ABCA13: variants seen among roughly 807,000 people sequenced by gnomAD.
The protein encoded by ABCA13 is ATP binding cassette subfamily A member 13, also known as ATP-binding cassette sub-family A member 13.
In ABCA13, 476 loss-of-function variants were observed where a neutral mutation model predicts 478.7. The ratio of observed to expected loss-of-function variants is 0.99; its 90% CI spans 0.92 to 1.07. The LOEUF is 1.07. Among genes scored for constraint, ABCA13 ranks in the 50% least tolerant of loss-of-function variants. The pLI is 0.00. For synonymous variants in ABCA13, 2,252 were observed against 2,158.9 expected (o/e 1.04, Z -1.20); for missense variants, 6,060 against 5,910.6 (o/e 1.03, Z -0.83).
intron 30 of ABCA13, 136 bp from the exon 31 acceptor site, chr7:48,352,045 G>C (rs4145714): frequency 0.2 from 162,964 of 795,600 alleles, 18,709 homozygotes; most frequent in African/African-American, 0.38. Context: ...ACTGCGGGCT[G>C]GGGCTCTGAG....
At chr7:48,362,531 A>G (rs1020173380) in intron 31 of ABCA13, among the ~76,000 whole-genome samples, 4 of 147,728 alleles carry the variant, frequency 2.7e-5, no homozygotes, top group South Asian at 2.1e-4. Context: ...TATGCATTAT[A>G]TAGCTTCTTA....
chr7:48,320,527 T>A lies in ABCA13; in HGVS notation c.9999+3231T>A, dbSNP rs139729252. Among the ~76,000 whole-genome samples the A allele has an allele frequency of 6.2e-3, 944 of 152,312 alleles. 4 individuals are homozygous for A. The highest frequency in any genetic ancestry group is 0.021 in the African/African-American group (890 of 41,554). On this transcript the variant is annotated intron_variant, in intron 27 of 61. Transcript: ENST00000435803. ...TATTTCCATGTCATTAGTCAAGAGA[T>A]TCCAATGTATTAGTATGCTCTTTTT...
chr7:48,398,267 G>A (rs1460968567), intron 38 of ABCA13, among the ~76,000 whole-genome samples: 1 of 152,112 alleles, frequency 6.6e-6, no homozygotes, highest in Non-Finnish European at 1.5e-5. Context: ...ATTGAGATTG[G>A]GAGCTTAAAT....
At chr7:48,480,155 T>C (rs1563326974) in intron 45 of ABCA13, among the ~76,000 whole-genome samples, 1 of 152,202 alleles carries the variant, frequency 6.6e-6, no homozygotes, top group Non-Finnish European at 1.5e-5. Context: ...AGACGTCTTA[T>C]CCATCATGAT....
chr7:48,318,510 GTTT>G (rs71991953), intron 27 of ABCA13, among the ~76,000 whole-genome samples: 2 of 133,880 alleles, frequency 1.5e-5, no homozygotes, highest in Non-Finnish European at 1.6e-5. Flanking sequence ...TAACTTTTTA[GTTT>G]TTTTTTTTTT....
chr7:48,260,080 C>T (rs1041261699), intron 15 of ABCA13, among the ~76,000 whole-genome samples: 1 of 152,020 alleles, frequency 6.6e-6, no homozygotes, highest in Non-Finnish European at 1.5e-5. Flanking sequence ...TCTGAATGAT[C>T]TTTGTTCTTA....
At chr7:48,442,474 C>G (rs983484078) in intron 42 of ABCA13, among the ~76,000 whole-genome samples, 3 of 152,102 alleles carry the variant, frequency 2.0e-5, no homozygotes, top group Non-Finnish European at 4.4e-5. Context: ...CCCTTTGGGT[C>G]CTTTTTTAAA....
chr7:48,330,368 T>C (rs1467875250), intron 27 of ABCA13, among the ~76,000 whole-genome samples: 1 of 151,806 alleles, frequency 6.6e-6, no homozygotes, highest in African/African-American at 2.4e-5. Context: ...CATCCACCCA[T>C]CCATCCATCC....
At chr7:48,205,907 G>A (rs150800400) in intron 3 of ABCA13, among the ~76,000 whole-genome samples, 1 of 152,188 alleles carries the variant, frequency 6.6e-6, no homozygotes, top group East Asian at 1.9e-4. Context: ...TAACATTTAA[G>A]AGTACATTTC....
Position 48,410,638 on chromosome 7 carries a change from G to A in ABCA13, c.12189G>A (p.Glu4063=). The stretch of plus-strand genomic sequence containing the variant: ...GCGGTCCTCCCTTCTGCCTGAAGGA[G>A]GCATATGGCCAGGGGCTCCGCCTGA... ...RCCGPPFCLK[E]AYGQGLRLTL... Residue 4063 remains glutamate, a synonymous_variant, in exon 40 of 62, where the codon GAG becomes GAA. Coordinates refer to ENST00000435803, the MANE Select transcript of ABCA13 (RefSeq NM_152701.5). 1 of 1,614,036 alleles carries A rather than the reference G, an allele frequency of 6.2e-7. No individual in the cohort carries two copies. Among genetic ancestry groups the A allele is most frequent in the Non-Finnish European group, 8.5e-7 (1 of 1,179,878 alleles).
At chr7:48,312,551 C>T (rs1259298223) in intron 24 of ABCA13, among the ~76,000 whole-genome samples, 1 of 152,158 alleles carries the variant, frequency 6.6e-6, no homozygotes, top group Admixed American at 6.5e-5. Flanking sequence ...AATTCACATC[C>T]CTGAACCTTT....
rs1288781886 is a variant in ABCA13 at position 48,403,761 on chromosome 7, C to T, written c.11952C>T (p.Leu3984=). Residue 3984 remains leucine, a synonymous_variant, in exon 39 of 62, where the codon CTC becomes CTT. Transcript: ENST00000435803. ...TGTCTGGAGGCCTGAAGAGGAAGCT[C>T]TCCCTTGGCATTGCTTTCATGGGCA... ...RALSGGLKRK[L]SLGIAFMGMS... 1.9e-6 allele frequency: 3 copies of T among 1,614,014 alleles called. No individual in the cohort carries two copies. Among genetic ancestry groups the T allele is most frequent in the South Asian group, 1.1e-5 (1 of 91,074 alleles).
At chr7:48,319,965 A>G (rs1417676561) in intron 27 of ABCA13, among the ~76,000 whole-genome samples, 1 of 151,950 alleles carries the variant, frequency 6.6e-6, no homozygotes, top group Admixed American at 6.6e-5. Context: ...GAACACTTGT[A>G]CCCCTCACAC....
rs201605876 is a variant in ABCA13, at chr7:48,274,668, C to T, written c.5002C>T (p.Arg1668Cys). The T allele has an allele frequency of 2.1e-5, 34 of 1,613,940 alleles. No individual in the cohort carries two copies. Among genetic ancestry groups the T allele is most frequent in the South Asian group, 1.9e-4 (17 of 91,078 alleles). Residue 1668 changes from arginine to cysteine, a missense_variant, in exon 17 of 62, where the codon CGT becomes TGT. Around this residue, in one of 3 missense-constraint regions of ABCA13, gnomAD observed 4,423 missense variants for 4,309.1 expected, o/e 1.03. Transcript: ENST00000435803. ...TTTGAAGAAGGTAACTTCTGTCATG[C>T]GTACCCTTAAGAAGGCAGACATAGA... is the stretch of plus-strand genomic sequence containing the variant. ...QALKKVTSVM[R>C]TLKKADIDLL...
chr7:48,449,591 A>G (rs75907784), intron 42 of ABCA13, among the ~76,000 whole-genome samples: 2,189 of 152,286 alleles, frequency 0.014, 46 homozygotes, highest in African/African-American at 0.05. Flanking sequence ...TGAGACATTT[A>G]CAAAGTTAGT....
intron 20 of ABCA13, among the ~76,000 whole-genome samples, chr7:48,291,201 G>A (rs530999102): frequency 6.6e-6 from 1 of 152,286 alleles, no homozygotes; most frequent in African/African-American, 2.4e-5. Context: ...GGTGAAGGCT[G>A]GAGGAGGCTG....
intron 35 of ABCA13, among the ~76,000 whole-genome samples, chr7:48,382,248 C>G (rs138433321): frequency 1.3e-5 from 2 of 152,156 alleles, no homozygotes; most frequent in East Asian, 3.9e-4. Flanking sequence ...ACCTCTGCAT[C>G]CTACCTGCAT....
intron 42 of ABCA13, among the ~76,000 whole-genome samples, chr7:48,439,370 C>A (rs7788030): frequency 0.3 from 45,103 of 151,706 alleles, 6,748 homozygotes; most frequent in East Asian, 0.37. Context: ...AAAATGTTTA[C>A]AAGAATCTAA....
At chr7:48,449,053 G>T (rs1824659565) in intron 42 of ABCA13, among the ~76,000 whole-genome samples, 1 of 152,138 alleles carries the variant, frequency 6.6e-6, no homozygotes, top group Non-Finnish European at 1.5e-5. Flanking sequence ...ATGTTGGCCA[G>T]GCTGGTCTCG....
Sources: allele counts gnomAD v4.1 joint callset (sites outside exome capture counted in the v4.1 genomes callset), GRCh38; gene constraint gnomAD v4.1.1; regional missense constraint gnomAD v4.1.1; transcripts MANE v1.5; gene names NCBI Gene and HGNC (gene_info 2026-07-23, HGNC 2026-07-21).